Variants in ANKDD1A observed in about 807,000 individuals in gnomAD.
The protein encoded by ANKDD1A is ankyrin repeat and death domain containing 1A.
In ANKDD1A, 59 loss-of-function variants were observed where a neutral mutation model predicts 63.5. That is an observed-to-expected ratio of 0.93 (90% CI 0.75 to 1.15). ANKDD1A has a LOEUF of 1.15. ANKDD1A is among the 50% of genes most tolerant of loss of function. The pLI is 0.00. For missense variants in ANKDD1A, 632 were observed against 656.4 expected (o/e 0.96, Z 0.41); for synonymous variants, 266 against 263.9 (o/e 1.01, Z -0.08).
At chr15:64,953,738 CT>C (rs2085357970) in intron 14 of ANKDD1A, among the ~76,000 whole-genome samples, 2 of 115,990 alleles carry the variant, frequency 1.7e-5, no homozygotes, top group Admixed American at 9.1e-5. Context: ...TCTCCTCCTT[CT>C]TCTTTCCTCT....
At chr15:64,921,783 TA>T in intron 3 of ANKDD1A, 137 bp from the exon 4 acceptor site, 1 of 671,086 alleles carries the variant, frequency 1.5e-6, no homozygotes, top group Non-Finnish European at 2.5e-6. Context: ...TTTAAACTCC[TA>T]AAGCTTGGAG....
intron 3 of ANKDD1A, among the ~76,000 whole-genome samples, chr15:64,919,440 C>A (rs1160143959): frequency 6.6e-6 from 1 of 152,136 alleles, no homozygotes; most frequent in Non-Finnish European, 1.5e-5. Context: ...TCATTTGTTT[C>A]TTTTGTTTTG....
chr15:64,931,414 C>A, intron 7 of ANKDD1A, 73 bp from the exon 8 acceptor site: 1 of 1,446,408 alleles, frequency 6.9e-7, no homozygotes, highest in Admixed American at 1.9e-5. Flanking sequence ...GGGGCATCCT[C>A]TCACCGTGGG....
Position 64,953,171 on chromosome 15 carries a change from TTCTTC to T in ANKDD1A, c.1483+3201_1483+3205del, listed in dbSNP as rs2085332996. 3.2e-4 allele frequency among the ~76,000 whole-genome samples: 11 copies of T among 34,150 alleles called. No homozygotes were observed. The Admixed American group carries it at 3.5e-3, about 11-fold the overall frequency. 22.4% of individuals were successfully genotyped at this position (34,150 alleles called of 152,430 possible). A position where few individuals can be genotyped will look rare whatever the true frequency, so the allele number is the denominator to read the frequency against. Reference sequence around the variant, plus strand: ...TTTTCTCCTTTCTTCTTTCCTTCTTTTCTTCTTTTTCTTCTTCCTCTTCTTATTCT... The same window carrying T: ...TTTTCTCCTTTCTTCTTTCCTTCTTTTTTTTCTTCTTCCTCTTCTTATTCT... On this transcript the variant is annotated intron_variant, in intron 14 of 14. Coordinates refer to ENST00000319580, the MANE Select transcript of ANKDD1A (RefSeq NM_182703.6).
At chr15:64,927,105 AGGCCCGTGT>A in intron 6 of ANKDD1A, 106 bp downstream of exon 6, 2 of 1,185,264 alleles carry the variant, frequency 1.7e-6, no homozygotes, top group Non-Finnish European at 2.5e-6. Context: ...ATTGCGCTGG[AGGCCCGTGT>A]GGCCCAAAGA....
chr15:64,926,750 G>A, intron 5 of ANKDD1A, 151 bp from the exon 6 acceptor site: 2 of 746,106 alleles, frequency 2.7e-6, no homozygotes, highest in Admixed American at 2.3e-5. Context: ...TTCCAGGCAG[G>A]GTGTGGGGAG....
intron 9 of ANKDD1A, among the ~76,000 whole-genome samples, chr15:64,939,850 A>G (rs2085166522): frequency 6.6e-6 from 1 of 152,194 alleles, no homozygotes; most frequent in Non-Finnish European, 1.5e-5. Flanking sequence ...ATTAACTCAA[A>G]ATGGATCACA....
intron 14 of ANKDD1A, among the ~76,000 whole-genome samples, chr15:64,953,972 T>TCC (rs2085368346): frequency 3.2e-4 from 7 of 22,162 alleles, no homozygotes; most frequent in South Asian, 1.9e-3. Flanking sequence ...TTTTTCTTCT[T>TCC]TCTTCCTCTA....
intron 14 of ANKDD1A, among the ~76,000 whole-genome samples, chr15:64,952,233 T>TTTC (rs141601268): frequency 0.07 from 10,529 of 149,826 alleles, 685 homozygotes; most frequent in African/African-American, 0.17. Flanking sequence ...CTTCTCCTCC[T>TTTC]TTCTTCTTCT....
chr15:64,940,394 T>TAGATA (rs2085171363), intron 9 of ANKDD1A, among the ~76,000 whole-genome samples: 43 of 93,062 alleles, frequency 4.6e-4, no homozygotes, highest in African/African-American at 1.4e-3. Flanking sequence ...ATAGGATGAT[T>TAGATA]GATAGATAGA....
chr15:64,921,878 C>A, intron 3 of ANKDD1A, 43 bp from the exon 4 acceptor site: 1 of 1,582,160 alleles, frequency 6.3e-7, no homozygotes, highest in Non-Finnish European at 8.7e-7. Context: ...CACAGCCACG[C>A]CTTCCCACAT....
At chr15:64,924,259 G>A (rs115620021) in intron 4 of ANKDD1A, among the ~76,000 whole-genome samples, 1,722 of 152,322 alleles carry the variant, frequency 0.011, 33 homozygotes, top group African/African-American at 0.04. Flanking sequence ...TTCCTTATGT[G>A]TCTGCCTCAG....
chr15:64,953,289 TTC>T (rs1215170703), intron 14 of ANKDD1A, among the ~76,000 whole-genome samples: 5 of 147,270 alleles, frequency 3.4e-5, no homozygotes, highest in African/African-American at 1.3e-4. Flanking sequence ...TCCTTCTTCC[TTC>T]TTTCTTCTTC....
intron 8 of ANKDD1A, 89 bp downstream of exon 8, chr15:64,931,674 C>T (rs755809514): frequency 7.2e-7 from 1 of 1,395,088 alleles, no homozygotes; most frequent in Non-Finnish European, 1.0e-6. Flanking sequence ...TTCCTGAACC[C>T]TGAGTGAATA....
chr15:64,932,790 G>A (rs931900850), intron 8 of ANKDD1A: 19 of 152,042 alleles, frequency 1.2e-4, no homozygotes, highest in African/African-American at 3.9e-4. Flanking sequence ...GACTGGCTTT[G>A]AAAAGAAAAG....
chr15:64,917,654 G>A (rs1470958075), intron 3 of ANKDD1A, 140 bp downstream of exon 3: 18 of 1,291,552 alleles, frequency 1.4e-5, no homozygotes, highest in African/African-American at 3.0e-5. Flanking sequence ...GGCTTCAGGC[G>A]CAGGGACACT....
chr15:64,947,467 C>T lies in ANKDD1A; in HGVS notation c.1225C>T (p.Gln409Ter). 3 of 1,614,150 alleles carry T rather than the reference C, an allele frequency of 1.9e-6. No individual in the cohort carries two copies. The South Asian group carries it at 3.3e-5, about 18-fold the overall frequency. Residue 409 changes from glutamine to a stop codon, truncating the protein, a stop_gained, in exon 13 of 15, where the codon CAG becomes TAG. Coordinates refer to ENST00000319580, the MANE Select transcript of ANKDD1A (RefSeq NM_182703.6). LOFTEE classifies it high-confidence loss of function. ...TAAGCAGGACCATCGGCAGGAAACA[C>T]AGCAGCTCCGTTCTGTGCTGTGGCG... is the stretch of plus-strand genomic sequence containing the variant. Reference protein sequence around the residue: ...SFKQDHRQETQQLRSVLWRLA... With the variant: ...SFKQDHRQET
intron 9 of ANKDD1A, among the ~76,000 whole-genome samples, chr15:64,940,680 C>T (rs963164056): frequency 1.1e-4 from 16 of 151,902 alleles, no homozygotes; most frequent in African/African-American, 1.7e-4. Flanking sequence ...CCTCGTGATC[C>T]GCCCACCTCG....
chr15:64,946,059 A>G (rs191111414), intron 12 of ANKDD1A, among the ~76,000 whole-genome samples: 1 of 152,210 alleles, frequency 6.6e-6, no homozygotes, highest in African/African-American at 2.4e-5. Flanking sequence ...AAATCTTATT[A>G]TTCTATTTAT....
Sources: gnomAD v4.1 joint callset for allele counts (sites outside exome capture counted in the v4.1 genomes callset) on GRCh38, gnomAD v4.1.1 for gene constraint, MANE v1.5 for transcripts, NCBI Gene and HGNC (gene_info 2026-07-23, HGNC 2026-07-21) for gene names.